The following METTL2A variants were observed in gnomAD, a reference collection of about 807,000 sequenced individuals.
METTL2A encodes methyltransferase 2A, tRNA N3-cytidine.
METTL2A carries 45 observed loss-of-function variants against 49.4 expected under a neutral mutation model. The observed-to-expected ratio is 0.91, with a 90% CI of 0.72 to 1.17. The LOEUF (loss-of-function observed/expected upper bound fraction) is 1.17, where lower values mean the gene tolerates loss of function less well. METTL2A is among the 50% of genes most tolerant of loss of function. The pLI, the probability that METTL2A is intolerant of heterozygous loss-of-function variation, is 0.00. For missense variants in METTL2A, 361 were observed against 462.2 expected, an observed-to-expected ratio of 0.78 and a Z score of 2.01; for synonymous variants, 118 against 167.5, an observed-to-expected ratio of 0.70 and a Z score of 2.28.
At chr17:62,430,701 G>C (rs2070658793) in intron 4 of METTL2A, among the ~76,000 whole-genome samples, 1 of 151,948 alleles carries the variant, frequency 6.6e-6, no homozygotes, top group Non-Finnish European at 1.5e-5. Flanking sequence ...TCTTTTTTGA[G>C]ACAGTCTCAC....
chr17:62,448,661 C>T lies in METTL2A; in HGVS notation c.1069C>T (p.Gln357Ter), dbSNP rs369355451. Reference sequence around the variant, plus strand: ...CCGACTGCAGGTGAACCGAGGAAAGCAACTGACAATGTACCGGGTTTGGAT... The same window carrying T: ...CCGACTGCAGGTGAACCGAGGAAAGTAACTGACAATGTACCGGGTTTGGAT... Reference protein sequence around the residue: ...DRRLQVNRGKQLTMYRVWIQC... With the variant: ...DRRLQVNRGK The change falls in exon 9 of 9, where the codon CAA (glutamine) becomes TAA (stop). Residue 357 changes from glutamine to a stop codon, truncating the protein, a stop_gained. Coordinates refer to ENST00000311506, the MANE Select transcript of METTL2A (RefSeq NM_181725.4). LOFTEE classifies it high-confidence loss of function. 6 of 1,614,056 alleles carry T rather than the reference C, an allele frequency of 3.7e-6. No individual in the cohort carries two copies. Among genetic ancestry groups the T allele is most frequent in the South Asian group, 1.1e-5 (1 of 91,094 alleles).
intron 4 of METTL2A, among the ~76,000 whole-genome samples, chr17:62,429,092 GT>G (rs1173479941): frequency 6.6e-6 from 1 of 152,026 alleles, no homozygotes; most frequent in African/African-American, 2.4e-5. Context: ...AGCCTCAAGA[GT>G]TTTTATACAG....
At chr17:62,430,393 A>G (rs1283567549) in intron 4 of METTL2A, among the ~76,000 whole-genome samples, 2 of 152,206 alleles carry the variant, frequency 1.3e-5, no homozygotes, top group South Asian at 2.1e-4. Flanking sequence ...ATATCTTGCT[A>G]GAACCCACTT....
At chr17:62,435,879 C>T (rs1364469559) in intron 5 of METTL2A, among the ~76,000 whole-genome samples, 6 of 152,174 alleles carry the variant, frequency 3.9e-5, no homozygotes, top group Middle Eastern at 3.4e-3. Context: ...AGGCTGGTCT[C>T]GAATGATAGC....
At chr17:62,438,207 G>C (rs1384042705) in intron 5 of METTL2A, among the ~76,000 whole-genome samples, 1 of 152,014 alleles carries the variant, frequency 6.6e-6, no homozygotes, top group African/African-American at 2.4e-5. Context: ...AAGAGTTCCA[G>C]ATCAGCCTGG....
chr17:62,426,610 G>T lies in METTL2A; in HGVS notation c.514G>T (p.Ala172Ser). 1 of 1,553,584 alleles carries T rather than the reference G, an allele frequency of 6.4e-7. No homozygotes were observed. Among genetic ancestry groups the T allele is most frequent in the Non-Finnish European group, 8.8e-7 (1 of 1,136,078 alleles). ...GAAAATTAGTGACCTGGAAATTTGT[G>T]CTGATGAGTTTCCTGGATCCTCAGC... ...TQKISDLEIC[A>S]DEFPGSSATY... The change falls in exon 3 of 9, where the codon GCT (alanine) becomes TCT (serine). Residue 172 changes from alanine to serine, a missense_variant. Ala to Ser is a moderately conservative substitution (Grantham distance 99). Around this residue, in one of 3 missense-constraint regions of METTL2A, gnomAD observed 28 missense variants for 75.6 expected, o/e 0.37. Coordinates refer to ENST00000311506, the MANE Select transcript of METTL2A (RefSeq NM_181725.4).
At chr17:62,445,479 C>T (rs1392336981) in intron 7 of METTL2A, among the ~76,000 whole-genome samples, 1 of 151,880 alleles carries the variant, frequency 6.6e-6, no homozygotes, top group East Asian at 1.9e-4. Context: ...AGACAGCTAC[C>T]TTTAGAAGAG....
At chr17:62,427,873 G>C (rs1263314120) in intron 4 of METTL2A, 36 bp downstream of exon 4, 1 of 1,578,854 alleles carries the variant, frequency 6.3e-7, no homozygotes, top group Admixed American at 1.8e-5. Flanking sequence ...TAGCAAAGAA[G>C]ATAAAAGTGA....
Position 62,424,204 on chromosome 17 carries a change from G to A in METTL2A, c.111-15G>A. 3 of 1,614,172 alleles carry A rather than the reference G, an allele frequency of 1.9e-6. No individual in the cohort carries two copies. Among genetic ancestry groups the A allele is most frequent in the Non-Finnish European group, 8.5e-7 (1 of 1,180,032 alleles). ...AGGACGTGAGGCCCCTAAGCTGCCC[G>A]TTTGATTTTCTCAGGGACAATGTGG... On this transcript the variant is annotated splice_polypyrimidine_tract_variant and intron_variant, in intron 1 of 8. Coordinates refer to ENST00000311506, the MANE Select transcript of METTL2A (RefSeq NM_181725.4).
At position 62,440,465 on chromosome 17, in the gene METTL2A, G is replaced by A. The variant is rs141569315; in HGVS notation, c.670-152G>A. Among the ~76,000 whole-genome samples the A allele has an allele frequency of 6.3e-3, 960 of 152,212 alleles. 13 individuals are homozygous for A. Among genetic ancestry groups the A allele is most frequent in the African/African-American group, 0.022 (912 of 41,536 alleles). ...GTTTGAGGCCAGCCTGGGCAACATG[G>A]GGAGATTTTGCCTCAAGAAAAAAAA... On this transcript the variant is annotated intron_variant, in intron 5 of 8. Transcript: ENST00000311506.
chr17:62,433,494 C>CT (rs770939790), intron 4 of METTL2A, among the ~76,000 whole-genome samples: 50 of 151,712 alleles, frequency 3.3e-4, no homozygotes, highest in African/African-American at 1.2e-3. Context: ...AATCTGAACA[C>CT]TTTGGGAAGC....
intron 4 of METTL2A, among the ~76,000 whole-genome samples, chr17:62,432,347 C>T (rs568804253): frequency 8.5e-5 from 13 of 152,214 alleles, no homozygotes; most frequent in African/African-American, 2.9e-4. Flanking sequence ...TTTCTGCATC[C>T]GAGGATTCAA....
rs746045524 is a variant in METTL2A at position 62,426,623 on chromosome 17, C to G, written c.527C>G (p.Pro176Arg). ...SDLEICADEF[P>R]GSSATYRILE... is the part of the protein sequence containing the mutation. ...CTGGAAATTTGTGCTGATGAGTTTC[C>G]TGGATCCTCAGCCACCTACCGAATA... is the stretch of plus-strand genomic sequence containing the variant. Residue 176 changes from proline to arginine, a missense_variant, in exon 3 of 9, where the codon CCT becomes CGT. Pro to Arg is a moderately radical substitution (Grantham distance 103). Transcript: ENST00000311506. The G allele has an allele frequency of 6.5e-7, 1 of 1,540,392 alleles. No individual in the cohort carries two copies. The highest frequency in any genetic ancestry group is 1.2e-5 in the South Asian group (1 of 85,464).
At position 62,452,221 on chromosome 17, in the gene METTL2A, A is replaced by G. The variant is rs920771270; in HGVS notation, c.*3492A>G. Among the ~76,000 whole-genome samples the G allele has an allele frequency of 2.0e-5, 3 of 152,112 alleles. No homozygotes were observed. The highest frequency in any genetic ancestry group is 2.9e-5 in the Non-Finnish European group (2 of 68,032). On this transcript the variant is annotated 3_prime_UTR_variant, in exon 9 of 9. Coordinates refer to ENST00000311506, the MANE Select transcript of METTL2A (RefSeq NM_181725.4). Reference sequence around the variant, plus strand: ...GAATTGGGTTTGTTGGTGTTTCTTCATGATTTGGTTCAGGCTCTGCATTTT... The same window carrying G: ...GAATTGGGTTTGTTGGTGTTTCTTCGTGATTTGGTTCAGGCTCTGCATTTT...
In METTL2A at chr17:62,450,373, C is replaced by T. The variant is rs1429876117; in HGVS notation, c.*1644C>T. 3 of 151,422 alleles carry T rather than the reference C, an allele frequency of 2.0e-5. No homozygotes were observed. Among genetic ancestry groups the T allele is most frequent in the East Asian group, 1.9e-4 (1 of 5,146 alleles). 9.4% of individuals were successfully genotyped at this position (151,422 alleles called of 1,614,324 possible). A position where few individuals can be genotyped will look rare whatever the true frequency, so the allele number is the denominator to read the frequency against. ...AAACTTCTGGCTCAAGCCATCCCTCCGCCTCAGCCTCCTGAGTAGCTAGGA... is the reference window on the plus strand; with the variant it reads ...AAACTTCTGGCTCAAGCCATCCCTCTGCCTCAGCCTCCTGAGTAGCTAGGA... On this transcript the variant is annotated 3_prime_UTR_variant, in exon 9 of 9. Transcript: ENST00000311506.
intron 5 of METTL2A, among the ~76,000 whole-genome samples, chr17:62,436,899 TA>T (rs2070703918): frequency 6.6e-6 from 1 of 152,216 alleles, no homozygotes; most frequent in Admixed American, 6.6e-5. Context: ...CTTTATCAAC[TA>T]AGTTTGATGC....
intron 1 of METTL2A, 28 bp from the exon 2 acceptor site, chr17:62,424,191 C>T (rs1399417317): frequency 6.2e-7 from 1 of 1,613,996 alleles, no homozygotes; most frequent in Non-Finnish European, 8.5e-7. Flanking sequence ...GACGTGAGGC[C>T]CCTAAGCTGC....
chr17:62,436,414 T>G (rs1175148961), intron 5 of METTL2A, among the ~76,000 whole-genome samples: 1 of 151,934 alleles, frequency 6.6e-6, no homozygotes, highest in African/African-American at 2.4e-5. Context: ...TATCCAGGCA[T>G]GGTGGTGGGC....
intron 4 of METTL2A, among the ~76,000 whole-genome samples, chr17:62,429,058 T>G (rs1489288981): frequency 2.0e-5 from 3 of 152,104 alleles, no homozygotes; most frequent in Non-Finnish European, 4.4e-5. Context: ...AGTGCTGGAA[T>G]TACATGCATA....
Sources: allele counts gnomAD v4.1 joint callset (sites outside exome capture counted in the v4.1 genomes callset), GRCh38; gene constraint gnomAD v4.1.1; regional missense constraint gnomAD v4.1.1; transcripts MANE v1.5; gene names NCBI Gene and HGNC (gene_info 2026-07-23, HGNC 2026-07-21).